The following CNTN4 variants were observed in gnomAD, a reference collection of about 807,000 sequenced individuals.
CNTN4 encodes contactin 4.
A neutral mutation model predicts 122.5 loss-of-function variants in CNTN4; 77 were observed. The ratio of observed to expected loss-of-function variants is 0.63; its 90% CI spans 0.52 to 0.76. The LOEUF (loss-of-function observed/expected upper bound fraction) is 0.76. Ranked by LOEUF, CNTN4 falls within the 30% of genes least tolerant of loss-of-function variation. CNTN4 has a pLI of 0.00. For missense variants in CNTN4, 1,256 were observed against 1,259.1 expected (o/e 1.00, Z 0.04); for synonymous variants, 512 against 447.0 (o/e 1.15, Z -1.83).
chr3:2,647,328 C>G (rs1353715364), intron 4 of CNTN4, among the ~76,000 whole-genome samples: 2 of 151,994 alleles, frequency 1.3e-5, no homozygotes, highest in Admixed American at 6.6e-5. Flanking sequence ...TTGCAGTGAG[C>G]CGAGATTACA....
chr3:3,038,959 A>C lies in CNTN4; in HGVS notation c.2119A>C (p.Ser707Arg), dbSNP rs767456428. 1 of 1,614,124 alleles carries C rather than the reference A, an allele frequency of 6.2e-7. No homozygotes were observed. The highest frequency in any genetic ancestry group is 8.5e-7 in the Non-Finnish European group (1 of 1,179,980). Residue 707 changes from serine (S) to arginine (R), a missense_variant, in exon 19 of 25, where the codon AGT becomes CGT. Ser to Arg is a moderately radical substitution (Grantham distance 110). Transcript: ENST00000418658. ...ALPEVTPANV[S>R]GGGGSKSELV... is the part of the protein sequence containing the mutation. ...CCCCGAAGTCACACCAGCGAATGTC[A>C]GTGGTGGCGGAGGCAGCAAATCTGA... is the stretch of plus-strand genomic sequence containing the variant.
intron 3 of CNTN4, among the ~76,000 whole-genome samples, chr3:2,557,216 C>T (rs1051228825): frequency 2.0e-5 from 3 of 152,138 alleles, no homozygotes; most frequent in African/African-American, 7.2e-5. Flanking sequence ...GCCTAGACTG[C>T]TAATCCAAGG....
At chr3:2,488,706 T>C (rs1181933653) in intron 3 of CNTN4, among the ~76,000 whole-genome samples, 1 of 152,208 alleles carries the variant, frequency 6.6e-6, no homozygotes, top group Admixed American at 6.5e-5. Context: ...TTAAAGTCAG[T>C]TTCCAAGGAC....
At chr3:2,311,275 T>C (rs935857778) in intron 2 of CNTN4, among the ~76,000 whole-genome samples, 2 of 152,078 alleles carry the variant, frequency 1.3e-5, no homozygotes, top group African/African-American at 4.8e-5. Context: ...GATGAATTTT[T>C]CCCCCTTGAT....
intron 4 of CNTN4, among the ~76,000 whole-genome samples, chr3:2,657,555 T>C (rs749475372): frequency 3.9e-5 from 6 of 152,190 alleles, no homozygotes; most frequent in Admixed American, 1.3e-4. Context: ...GAAAACAAGA[T>C]GGGACTACAG....
At chr3:2,308,345 A>G (rs1361457691) in intron 2 of CNTN4, among the ~76,000 whole-genome samples, 1 of 151,910 alleles carries the variant, frequency 6.6e-6, no homozygotes, top group East Asian at 1.9e-4. Context: ...ACATTTTCTA[A>G]GACCCAATTT....
chr3:2,133,078 A>G (rs770562249), intron 2 of CNTN4, among the ~76,000 whole-genome samples: 1 of 152,204 alleles, frequency 6.6e-6, no homozygotes, highest in African/African-American at 2.4e-5. Context: ...TTAGGACACC[A>G]GAGCAATCAG....
At chr3:2,756,297 T>A (rs141868343) in intron 6 of CNTN4, among the ~76,000 whole-genome samples, 1 of 152,142 alleles carries the variant, frequency 6.6e-6, no homozygotes, top group African/African-American at 2.4e-5. Flanking sequence ...GGTGATTAGG[T>A]CATGAGGGAT....
intron 9 of CNTN4, among the ~76,000 whole-genome samples, chr3:2,886,801 A>G (rs1165986610): frequency 6.6e-6 from 1 of 152,196 alleles, no homozygotes; most frequent in African/African-American, 2.4e-5. Context: ...GATGTGAGCC[A>G]TTGCACCCTG....
intron 2 of CNTN4, among the ~76,000 whole-genome samples, chr3:2,143,939 A>G (rs995415273): frequency 1.3e-5 from 2 of 152,210 alleles, no homozygotes; most frequent in African/African-American, 4.8e-5. Context: ...TTTTAGGGCT[A>G]CTCAGATACA....
intron 14 of CNTN4, among the ~76,000 whole-genome samples, chr3:3,019,192 A>G (rs901368996): frequency 6.6e-6 from 1 of 152,216 alleles, no homozygotes; most frequent in African/African-American, 2.4e-5. Context: ...CTAATTCAGG[A>G]AGGAGTCTTT....
intron 3 of CNTN4, among the ~76,000 whole-genome samples, chr3:2,388,148 G>A (rs1279710888): frequency 1.3e-5 from 2 of 152,222 alleles, no homozygotes; most frequent in African/African-American, 4.8e-5. Flanking sequence ...GGTCCTTCAA[G>A]TGGGGAAGTT....
chr3:2,317,892 T>TTCAAACTATATC lies in CNTN4; in HGVS notation c.-144-21285_-144-21284insCAAACTATATCT, dbSNP rs2043159560. Among the ~76,000 whole-genome samples, 14 of 152,316 alleles carry TTCAAACTATATC rather than the reference T, an allele frequency of 9.2e-5. 2 individuals are homozygous for TTCAAACTATATC. The highest frequency in any genetic ancestry group is 9.2e-4 in the Admixed American group (14 of 15,284). The stretch of plus-strand genomic sequence containing the variant: ...CGTCGTTTGAAAGTGTTATCTTACT[T>TTCAAACTATATC]TTGCATCAACGATATAGATGCCTTT... On this transcript the variant is annotated intron_variant, in intron 2 of 24. Transcript: ENST00000418658.
At chr3:2,569,256 G>T (rs942647015) in intron 3 of CNTN4, among the ~76,000 whole-genome samples, 4 of 152,152 alleles carry the variant, frequency 2.6e-5, no homozygotes, top group African/African-American at 9.7e-5. Context: ...TTCATTTTCT[G>T]TTAGCTCCCT....
At chr3:2,765,142 A>G (rs934831042) in intron 6 of CNTN4, among the ~76,000 whole-genome samples, 3 of 152,244 alleles carry the variant, frequency 2.0e-5, no homozygotes, top group African/African-American at 7.2e-5. Context: ...ACTAAACTCC[A>G]CTTGCATCCA....
chr3:2,829,384 G>C (rs1018998037), intron 7 of CNTN4, among the ~76,000 whole-genome samples: 1 of 152,110 alleles, frequency 6.6e-6, no homozygotes, highest in Non-Finnish European at 1.5e-5. Flanking sequence ...TAGGCCACTG[G>C]GAGGGAGTGC....
chr3:2,666,681 T>G (rs2084185425), intron 4 of CNTN4, among the ~76,000 whole-genome samples: 1 of 152,140 alleles, frequency 6.6e-6, no homozygotes, highest in Non-Finnish European at 1.5e-5. Flanking sequence ...GCCATGTTGG[T>G]GTGCTGCACC....
intron 2 of CNTN4, among the ~76,000 whole-genome samples, chr3:2,323,003 C>T (rs75370244): frequency 0.021 from 3,190 of 152,198 alleles, 118 homozygotes; most frequent in African/African-American, 0.071. Context: ...TGTCTGACTC[C>T]TGTCATATAG....
chr3:2,943,630 A>ATATAT lies in CNTN4; in HGVS notation c.1358+17852_1358+17853insATATT, dbSNP rs1553702084. On this transcript the variant is annotated intron_variant, in intron 13 of 24. Coordinates refer to ENST00000418658, the MANE Select transcript of CNTN4 (RefSeq NM_175607.3). ...AATATATTTATATATATATATATAT[A>ATATAT]TTTTTTTTTTTTGAGACGGAGTCTT... Among the ~76,000 whole-genome samples, 119 of 128,226 alleles carry ATATAT rather than the reference A, an allele frequency of 9.3e-4. 1 individual carries two copies. Among genetic ancestry groups the ATATAT allele is most frequent in the South Asian group, 2.0e-3 (8 of 4,006 alleles). The allele number at this position is 128,226 out of a possible 152,430, so 84.1% of individuals were successfully genotyped here.
Sources: gnomAD v4.1 joint callset for allele counts (sites outside exome capture counted in the v4.1 genomes callset) on GRCh38, gnomAD v4.1.1 for gene constraint, MANE v1.5 for transcripts, NCBI Gene and HGNC (gene_info 2026-07-23, HGNC 2026-07-21) for gene names.